TDRD3: variants seen among roughly 807,000 people sequenced by gnomAD.
TDRD3 encodes the protein tudor domain-containing protein 3.
A neutral mutation model predicts 86.7 loss-of-function variants in TDRD3; 45 were observed. The observed-to-expected ratio is 0.52, with a 90% CI of 0.41 to 0.67. The LOEUF is 0.67. Ranked by LOEUF, TDRD3 falls within the 30% of genes least tolerant of loss-of-function variation. TDRD3 has a pLI of 0.00. For missense variants in TDRD3, 814 were observed against 889.0 expected, an observed-to-expected ratio of 0.92 and a Z score of 1.07; for synonymous variants, 298 against 301.7, an observed-to-expected ratio of 0.99 and a Z score of 0.13.
intron 1 of TDRD3, among the ~76,000 whole-genome samples, chr13:60,434,327 G>A (rs1042684479): frequency 6.6e-6 from 1 of 152,052 alleles, no homozygotes; most frequent in East Asian, 1.9e-4. Context: ...AATTAAGTGG[G>A]CATGGTGGAG....
chr13:60,439,772 T>G lies in TDRD3; in HGVS notation c.126T>G (p.Asn42Lys), dbSNP rs1429708958. ...ATGACATCATCCTGATTGCTCTCAATGTAGGTTATATTTATTAACTTGTAA... is the reference window on the plus strand; with the variant it reads ...ATGACATCATCCTGATTGCTCTCAAGGTAGGTTATATTTATTAACTTGTAA... ...NVNDIILIAL[N>K]TDLRTIGKKF... Residue 42 changes from asparagine (N) to lysine (K), a missense_variant and splice_region_variant, in exon 2 of 14, where the codon AAT becomes AAG. Physicochemically the swap from Asn to Lys is moderately conservative, Grantham distance 94 (BLOSUM62 0). Transcript: ENST00000377881. 1 of 1,522,736 alleles carries G rather than the reference T, an allele frequency of 6.6e-7. No homozygotes were observed. The highest frequency in any genetic ancestry group is 2.5e-5 in the East Asian group (1 of 40,306). 94.3% of individuals were successfully genotyped at this position (1,522,736 alleles called of 1,614,324 possible).
Position 60,455,571 on chromosome 13 carries a change from A to G in TDRD3, c.193-4809A>G, listed in dbSNP as rs184557857. Among the ~76,000 whole-genome samples the G allele has an allele frequency of 2.0e-5, 3 of 152,338 alleles. No individual in the cohort carries two copies. The East Asian group carries it at 5.8e-4, about 29-fold the overall frequency. ...AATGAATTAAGACTTTAAGTAGATA[A>G]AAGAACTATGGAAGATTAAACTATT... is the stretch of plus-strand genomic sequence containing the variant. On this transcript the variant is annotated intron_variant, in intron 3 of 13. Coordinates refer to ENST00000377881, the MANE Select transcript of TDRD3 (RefSeq NM_001146070.2).
intron 3 of TDRD3, among the ~76,000 whole-genome samples, chr13:60,455,787 G>T (rs1411107099): frequency 1.3e-5 from 2 of 152,016 alleles, no homozygotes; most frequent in Non-Finnish European, 2.9e-5. Flanking sequence ...ACAAAAACAG[G>T]CCAGGTATGG....
At chr13:60,415,601 G>A (rs570036596) in intron 1 of TDRD3, among the ~76,000 whole-genome samples, 6 of 152,222 alleles carry the variant, frequency 3.9e-5, no homozygotes, top group African/African-American at 1.2e-4. Flanking sequence ...TAAAGAATAT[G>A]AGAATTTTGA....
In TDRD3 at chr13:60,446,805, A is replaced by G. The variant is rs1377780449; in HGVS notation, c.192+2057A>G. On this transcript the variant is annotated intron_variant, in intron 3 of 13. Transcript: ENST00000377881. Reference sequence around the variant, plus strand: ...TTTCTTTGTTAGTAAAATAAGACTAATATAGTAAAAGCTCCTTATTTATGT... The same window carrying G: ...TTTCTTTGTTAGTAAAATAAGACTAGTATAGTAAAAGCTCCTTATTTATGT... Among the ~76,000 whole-genome samples the G allele has an allele frequency of 2.6e-5, 4 of 152,178 alleles. No individual in the cohort carries two copies. The East Asian group carries it at 5.8e-4, about 22-fold the overall frequency.
At chr13:60,525,086 C>CAAAA (rs372010456) in intron 10 of TDRD3, among the ~76,000 whole-genome samples, 4,725 of 39,612 alleles carry the variant, frequency 0.12, 261 homozygotes, top group South Asian at 0.21. Flanking sequence ...AATTTTCTCT[C>CAAAA]AAAAAAAAAA....
chr13:60,425,233 A>G (rs1954771545), intron 1 of TDRD3, among the ~76,000 whole-genome samples: 1 of 152,220 alleles, frequency 6.6e-6, no homozygotes, highest in African/African-American at 2.4e-5. Context: ...AAGAAGACAT[A>G]AAAATGTCTA....
chr13:60,437,272 A>ATG (rs1355386523), intron 1 of TDRD3, among the ~76,000 whole-genome samples: 4 of 151,718 alleles, frequency 2.6e-5, no homozygotes, highest in African/African-American at 9.7e-5. Flanking sequence ...GATTATAGGC[A>ATG]TGTGCCACCA....
intron 1 of TDRD3, among the ~76,000 whole-genome samples, chr13:60,436,631 C>T (rs531802679): frequency 7.2e-5 from 11 of 152,124 alleles, no homozygotes; most frequent in East Asian, 1.9e-4. Context: ...GGTATCATTG[C>T]GTATTTTTAT....
At chr13:60,507,353 A>G (rs1956961162) in intron 8 of TDRD3, among the ~76,000 whole-genome samples, 1 of 152,228 alleles carries the variant, frequency 6.6e-6, no homozygotes, top group South Asian at 2.1e-4. Context: ...GACCTAATAG[A>G]CATCTACAGA....
chr13:60,567,331 C>G (rs1958482646), intron 12 of TDRD3, among the ~76,000 whole-genome samples, 194 bp from the exon 13 acceptor site: 1 of 143,222 alleles, frequency 7.0e-6, no homozygotes, highest in Admixed American at 6.9e-5. Context: ...AGAGTTTTAA[C>G]AGTATCCCTG....
rs185844765 is a variant in TDRD3 at position 60,406,555 on chromosome 13, G to A, written c.41+9150G>A. 1.5e-3 allele frequency among the ~76,000 whole-genome samples: 234 copies of A among 152,316 alleles called. 1 individual carries two copies. The highest frequency in any genetic ancestry group is 5.4e-4 in the Non-Finnish European group (37 of 68,010). ...TACTGATGTAAGAACCAAGCTTTGA[G>A]TAAGAGGCTAGGTTCAAGTACTGAG... is the stretch of plus-strand genomic sequence containing the variant. On this transcript the variant is annotated intron_variant, in intron 1 of 13. Coordinates refer to ENST00000377881, the MANE Select transcript of TDRD3 (RefSeq NM_001146070.2).
chr13:60,397,270 TTC>T lies in TDRD3; in HGVS notation c.-93_-92del, dbSNP rs1953941630. On this transcript the variant is annotated 5_prime_UTR_variant, in exon 1 of 14. The change creates a premature stop within an existing upstream ORF in the 5' untranslated region. Transcript: ENST00000377881. ...GACCAGAGGAGTTTTTTCTTTTCTT[TTC>T]TTTTTTTTTTTTTAAGGGGGGGGGT... 8.2e-6 allele frequency: 6 copies of T among 730,386 alleles called. No homozygotes were observed. Among genetic ancestry groups the T allele is most frequent in the South Asian group, 5.2e-5 (2 of 38,388 alleles). The allele number at this position is 730,386 out of a possible 1,614,324, so 45.2% of individuals were successfully genotyped here.
At chr13:60,523,433 T>G (rs1159524958) in intron 10 of TDRD3, among the ~76,000 whole-genome samples, 1 of 152,170 alleles carries the variant, frequency 6.6e-6, no homozygotes, top group Non-Finnish European at 1.5e-5. Context: ...AATCTTGTAA[T>G]AATAGGAATG....
intron 7 of TDRD3, among the ~76,000 whole-genome samples, chr13:60,486,221 A>G (rs780872048): frequency 9.9e-5 from 15 of 151,860 alleles, no homozygotes; most frequent in Non-Finnish European, 1.8e-4. Flanking sequence ...TTTTTATACA[A>G]TGTAGTAACT....
chr13:60,570,273 A>G (rs1252559575), intron 13 of TDRD3, among the ~76,000 whole-genome samples: 2 of 152,242 alleles, frequency 1.3e-5, no homozygotes, highest in Non-Finnish European at 2.9e-5. Flanking sequence ...ATTTCTCAAT[A>G]GAAGACATAC....
intron 11 of TDRD3, among the ~76,000 whole-genome samples, chr13:60,531,640 C>A (rs997599661): frequency 1.3e-5 from 2 of 152,152 alleles, no homozygotes; most frequent in African/African-American, 4.8e-5. Context: ...TGGGTAGTAA[C>A]TGCAAAATTA....
At chr13:60,492,610 A>C (rs1359430373) in intron 7 of TDRD3, among the ~76,000 whole-genome samples, 1 of 152,214 alleles carries the variant, frequency 6.6e-6, no homozygotes, top group Non-Finnish European at 1.5e-5. Context: ...TAGTCTAATA[A>C]ATTTTGTATC....
chr13:60,494,642 TACC>T, intron 8 of TDRD3, 67 bp downstream of exon 8: 1 of 1,487,948 alleles, frequency 6.7e-7, no homozygotes, highest in Non-Finnish European at 9.2e-7. Context: ...TATTCTTTCT[TACC>T]ACCACCACTG....
Sources: gnomAD v4.1 joint callset for allele counts (sites outside exome capture counted in the v4.1 genomes callset) on GRCh38, gnomAD v4.1.1 for gene constraint, MANE v1.5 for transcripts, NCBI Gene and HGNC (gene_info 2026-07-23, HGNC 2026-07-21) for gene names.